Variants in GPD2 observed in about 807,000 individuals in gnomAD.
The protein encoded by GPD2 is glycerol-3-phosphate dehydrogenase, mitochondrial.
In GPD2, 54 loss-of-function variants were observed where a neutral mutation model predicts 82.4. The ratio of observed to expected loss-of-function variants is 0.66; its 90% CI spans 0.53 to 0.82. GPD2 has a LOEUF of 0.82. Among genes scored for constraint, GPD2 ranks in the 40% least tolerant of loss-of-function variants. The probability of loss-of-function intolerance (pLI) is 0.00; values close to 1 mark genes in which losing one functional copy is unlikely to be tolerated. For missense variants in GPD2, 748 were observed against 896.2 expected (o/e 0.83, Z 2.11); for synonymous variants, 288 against 306.1 (o/e 0.94, Z 0.62).
At chr2:156,440,222 G>A (rs1351178715) in intron 1 of GPD2, among the ~76,000 whole-genome samples, 2 of 152,186 alleles carry the variant, frequency 1.3e-5, no homozygotes, top group Non-Finnish European at 2.9e-5. Context: ...GACATGATGC[G>A]TGAAAGAAAT....
the GPD2 span, among the ~76,000 whole-genome samples, chr2:156,415,244 C>T: frequency 6.6e-6 from 1 of 150,830 alleles, no homozygotes; most frequent in Non-Finnish European, 1.5e-5. Context: ...CTGCAAGCTC[C>T]GCCTCCCGGG....
At chr2:156,486,334 TGA>T (rs1683936986) in intron 2 of GPD2, among the ~76,000 whole-genome samples, 1 of 152,196 alleles carries the variant, frequency 6.6e-6, no homozygotes, top group African/African-American at 2.4e-5. Context: ...ACAAAATCAG[TGA>T]GGTTAACTGT....
At chr2:156,534,016 G>A (rs2105310330) in intron 6 of GPD2, among the ~76,000 whole-genome samples, 1 of 152,362 alleles carries the variant, frequency 6.6e-6, no homozygotes, top group Middle Eastern at 3.4e-3. Context: ...TTGGTACCCA[G>A]GTTCTTGTCT....
At chr2:156,426,148 C>A in the GPD2 span, among the ~76,000 whole-genome samples, 1 of 152,098 alleles carries the variant, frequency 6.6e-6, no homozygotes, top group Non-Finnish European at 1.5e-5. Flanking sequence ...TAGTCTCGAT[C>A]TCCTGACCTC....
chr2:156,543,639 T>A (rs1159952733), intron 6 of GPD2, among the ~76,000 whole-genome samples: 1 of 152,186 alleles, frequency 6.6e-6, no homozygotes, highest in Admixed American at 6.5e-5. Context: ...AGGGAAAGTT[T>A]CACAAAGGAA....
chr2:156,557,418 C>T lies in GPD2; in HGVS notation c.1001C>T (p.Ala334Val), dbSNP rs377620746. ...SPESMGLLDP[A>V]TSDGRVIFFL... ...GAGAGCATGGGACTTCTTGACCCAG[C>T]GACCAGTGATGGGCGAGTTATTTTC... The change falls in exon 9 of 17, where the codon GCG becomes GTG. Residue 334 changes from alanine (A) to valine (V), a missense_variant. Ala to Val is a moderately conservative substitution (Grantham distance 64). This residue lies in a region of GPD2 where 692 missense variants were observed against 809.7 expected (regional missense o/e 0.85). Coordinates refer to ENST00000438166, the MANE Select transcript of GPD2 (RefSeq NM_000408.5). The T allele has an allele frequency of 4.4e-6, 7 of 1,609,150 alleles. No individual in the cohort carries two copies. Among genetic ancestry groups the T allele is most frequent in the East Asian group, 2.2e-5 (1 of 44,852 alleles).
At chr2:156,402,670 T>C in the GPD2 span, among the ~76,000 whole-genome samples, 1 of 151,920 alleles carries the variant, frequency 6.6e-6, no homozygotes, top group Non-Finnish European at 1.5e-5. Context: ...ATTTATTTGT[T>C]TGTTTCTTTA....
rs965338843 is a variant in GPD2, at chr2:156,580,074, T to A, written c.2058+286T>A. ...ATAAAGGGTTGAATATGAAGCATGC[T>A]TTTTAAAGACGTATGCCATGGCATA... On this transcript the variant is annotated intron_variant, in intron 16 of 16. Coordinates refer to ENST00000438166, the MANE Select transcript of GPD2 (RefSeq NM_000408.5). Among the ~76,000 whole-genome samples the A allele has an allele frequency of 2.6e-5, 4 of 152,348 alleles. No homozygotes were observed. The South Asian group carries it at 8.3e-4, about 32-fold the overall frequency.
chr2:156,499,672 T>C (rs1265294983), intron 3 of GPD2, among the ~76,000 whole-genome samples: 6 of 152,156 alleles, frequency 3.9e-5, no homozygotes, highest in Non-Finnish European at 8.8e-5. Flanking sequence ...AGTGTGTTTA[T>C]ATCAATCTTT....
At chr2:156,455,351 CAT>C (rs1682755009) in intron 1 of GPD2, among the ~76,000 whole-genome samples, 1 of 152,180 alleles carries the variant, frequency 6.6e-6, no homozygotes, top group South Asian at 2.1e-4. Context: ...ATGAATGTAA[CAT>C]ATATAAATTG....
chr2:156,550,368 C>A (rs1477779861), intron 7 of GPD2, among the ~76,000 whole-genome samples: 1 of 152,178 alleles, frequency 6.6e-6, no homozygotes, highest in Non-Finnish European at 1.5e-5. Flanking sequence ...TCGACAGAAT[C>A]CATAATGAGA....
rs537482807 is a variant in GPD2 at position 156,450,646 on chromosome 2, A to G, written c.-9+14133A>G. 7.3e-5 allele frequency among the ~76,000 whole-genome samples: 11 copies of G among 149,756 alleles called. No homozygotes were observed. The Admixed American group carries it at 7.4e-4, about 10-fold the overall frequency. On this transcript the variant is annotated intron_variant, in intron 1 of 16. Coordinates refer to ENST00000438166, the MANE Select transcript of GPD2 (RefSeq NM_000408.5). ...ATTGGATTAAATTGTGGAAGTGGAG[A>G]CAGTTCTTATAGACAACTCTTTTTT... is the stretch of plus-strand genomic sequence containing the variant.
the GPD2 span, among the ~76,000 whole-genome samples, chr2:156,421,883 T>C: frequency 6.6e-6 from 1 of 152,198 alleles, no homozygotes; most frequent in Non-Finnish European, 1.5e-5. Context: ...CCCAGCACTT[T>C]GGTAGGCTGA....
intron 1 of GPD2, among the ~76,000 whole-genome samples, chr2:156,452,353 A>C (rs1342189504): frequency 6.6e-6 from 1 of 152,252 alleles, no homozygotes; most frequent in Non-Finnish European, 1.5e-5. Flanking sequence ...GGAGCTGGAG[A>C]CCAGCCCGGC....
intron 7 of GPD2, 47 bp downstream of exon 7, chr2:156,549,819 G>C (rs1464710747): frequency 3.0e-6 from 4 of 1,352,318 alleles, no homozygotes; most frequent in Non-Finnish European, 4.2e-6. Context: ...ATCTTGCCTA[G>C]CTTATATAAT....
intron 1 of GPD2, among the ~76,000 whole-genome samples, chr2:156,459,686 CAAAA>C (rs564494059): frequency 6.2e-4 from 24 of 38,778 alleles, no homozygotes; most frequent in South Asian, 3.0e-3. Context: ...GACTCCGTCT[CAAAA>C]AAAAAAAAAA....
chr2:156,461,161 C>CTTTT (rs70987039), intron 1 of GPD2, among the ~76,000 whole-genome samples: 7 of 106,474 alleles, frequency 6.6e-5, no homozygotes, highest in African/African-American at 2.0e-4. Flanking sequence ...CTCTCTATCT[C>CTTTT]TTTTTTTTTT....
chr2:156,580,992 T>C (rs776071236), intron 16 of GPD2, among the ~76,000 whole-genome samples: 38 of 152,212 alleles, frequency 2.5e-4, no homozygotes, highest in Non-Finnish European at 3.8e-4. Context: ...CTTCATTTCA[T>C]GTGTTGTAAA....
rs200062925 is a variant in GPD2 at position 156,513,459 on chromosome 2, G to A, written c.624G>A (p.Gln208=). ...SRALEHFPML[Q]KDKLVGAIVY... The stretch of plus-strand genomic sequence containing the variant: ...CCCTTGAACATTTCCCAATGCTCCA[G>A]AAGGACAAACTGGTAGGAGCAATTG... Residue 208 remains glutamine, a synonymous_variant, in exon 6 of 17, where the codon CAG becomes CAA. Transcript: ENST00000438166. The A allele has an allele frequency of 6.8e-6, 11 of 1,612,214 alleles. No homozygotes were observed. The Admixed American group carries it at 1.8e-4, about 27-fold the overall frequency.
Sources: gnomAD v4.1 joint callset for allele counts (sites outside exome capture counted in the v4.1 genomes callset) on GRCh38, gnomAD v4.1.1 for gene constraint, gnomAD v4.1.1 regional missense constraint, MANE v1.5 for transcripts, NCBI Gene and HGNC (gene_info 2026-07-23, HGNC 2026-07-21) for gene names.